AKNA: variants seen among roughly 807,000 people sequenced by gnomAD.
AKNA encodes the protein microtubule organization protein AKNA.
In AKNA, 67 loss-of-function variants were observed where a neutral mutation model predicts 138.8. The observed-to-expected ratio is 0.48, with a 90% CI of 0.40 to 0.59. The LOEUF is 0.59. AKNA is among the 20% of genes least tolerant of loss of function. The probability of loss-of-function intolerance (pLI) is 0.00; values close to 1 mark genes in which losing one functional copy is unlikely to be tolerated. For synonymous variants in AKNA, 737 were observed against 754.4 expected, an observed-to-expected ratio of 0.98 and a Z score of 0.38; for missense variants, 1,813 against 1,880.4, an observed-to-expected ratio of 0.96 and a Z score of 0.66.
At chr9:114,363,099 G>T (rs899819729) in intron 7 of AKNA, among the ~76,000 whole-genome samples, 1 of 152,210 alleles carries the variant, frequency 6.6e-6, no homozygotes, top group East Asian at 1.9e-4. Context: ...AATGAGAGGG[G>T]TGATTTATCA....
Position 114,359,979 on chromosome 9 carries a change from C to A in AKNA, c.2208G>T (p.Val736=), listed in dbSNP as rs775380085. Reference sequence around the variant, plus strand: ...CCAGGGGGTCCTGTGGCCTGTCCTCCACCTCACTGTTGCCAGAGCTCACCT... The same window carrying A: ...CCAGGGGGTCCTGTGGCCTGTCCTCAACCTCACTGTTGCCAGAGCTCACCT... ...NVEVSSGNSE[V]EDRPQDPLAR... The change falls in exon 10 of 22, where the codon GTG becomes GTT. Residue 736 remains valine (V), a synonymous_variant. Coordinates refer to ENST00000374088, the MANE Select transcript of AKNA (RefSeq NM_001317950.2). 6.2e-7 allele frequency: 1 copy of A among 1,614,236 alleles called. No homozygotes were observed. Among genetic ancestry groups the A allele is most frequent in the Non-Finnish European group, 8.5e-7 (1 of 1,180,030 alleles).
chr9:114,355,848 C>T, intron 14 of AKNA, 77 bp downstream of exon 14: 1 of 1,456,214 alleles, frequency 6.9e-7, no homozygotes, highest in Non-Finnish European at 9.3e-7. Context: ...TATGTCATAT[C>T]CTAAAGGGTT....
intron 4 of AKNA, among the ~76,000 whole-genome samples, chr9:114,372,170 G>C (rs1211216868): frequency 2.6e-5 from 4 of 152,312 alleles, no homozygotes; most frequent in East Asian, 1.9e-4. Context: ...TTGAGGCTGA[G>C]AGAGGGGTTG....
chr9:114,380,981 C>CAAAAAA lies in AKNA; in HGVS notation c.274+73_274+78dup, dbSNP rs34055519. On this transcript the variant is annotated intron_variant, in intron 2 of 21. Coordinates refer to ENST00000374088, the MANE Select transcript of AKNA (RefSeq NM_001317950.2). ...CTGGCAATGAAGCAAGACTCTGTCT[C>CAAAAAA]AAAAAAAAAAAAAAAAAAAAGAACG... 1.6e-4 allele frequency: 178 copies of CAAAAAA among 1,110,392 alleles called. No homozygotes were observed. In the African/African-American group the frequency reaches 4.3e-3, roughly 27 times the overall value. 68.8% of individuals were successfully genotyped at this position (1,110,392 alleles called of 1,614,324 possible). A position where few individuals can be genotyped will look rare whatever the true frequency, so the allele number is the denominator to read the frequency against.
intron 21 of AKNA, among the ~76,000 whole-genome samples, chr9:114,340,056 G>T (rs908013572): frequency 3.3e-5 from 5 of 152,182 alleles, no homozygotes; most frequent in Non-Finnish European, 7.3e-5. Flanking sequence ...CCAAGATGGC[G>T]CCACTGCACT....
chr9:114,341,807 T>C (rs1830373377), intron 20 of AKNA, 82 bp from the exon 21 acceptor site: 2 of 1,455,996 alleles, frequency 1.4e-6, no homozygotes, highest in Non-Finnish European at 1.8e-6. Flanking sequence ...CACCCAGCCC[T>C]TCCCCTATGA....
At chr9:114,341,834 ACC>A in intron 20 of AKNA, 109 bp from the exon 21 acceptor site, 5 of 1,342,994 alleles carry the variant, frequency 3.7e-6, no homozygotes, top group Non-Finnish European at 5.2e-6. Context: ...GACAGGCCCT[ACC>A]CTGTGAGACT....
At chr9:114,389,213 G>A (rs1051659707), upstream of AKNA, among the ~76,000 whole-genome samples, 7 of 152,066 alleles carry the variant, frequency 4.6e-5, no homozygotes, top group African/African-American at 1.2e-4. Context: ...CTGTGTACCC[G>A]GGGCAGAGCG....
chr9:114,347,963 C>G, intron 15 of AKNA, 63 bp from the exon 16 acceptor site: 1 of 1,513,994 alleles, frequency 6.6e-7, no homozygotes, highest in Non-Finnish European at 8.9e-7. Flanking sequence ...TGCAGCCACC[C>G]GAGTATGCCA....
In AKNA at chr9:114,341,504, G is replaced by T. The variant is rs1203391665; in HGVS notation, c.4067+29C>A. On this transcript the variant is annotated intron_variant, in intron 21 of 21. Coordinates refer to ENST00000374088, the MANE Select transcript of AKNA (RefSeq NM_001317950.2). Reference sequence around the variant, plus strand: ...CATATTCAGTGATCTATAGAAAGAGGCTGGGAAGGTCAGAATGAAGGCTCT... The same window carrying T: ...CATATTCAGTGATCTATAGAAAGAGTCTGGGAAGGTCAGAATGAAGGCTCT... 12 of 1,613,342 alleles carry T rather than the reference G, an allele frequency of 7.4e-6. No homozygotes were observed. The African/African-American group carries it at 1.3e-4, about 18-fold the overall frequency.
chr9:114,394,432 G>C (rs1002029559), upstream of AKNA: 1 of 152,148 alleles, frequency 6.6e-6, no homozygotes, highest in Non-Finnish European at 1.5e-5. Context: ...GAAATGTATC[G>C]TTGGGTTCTT....
chr9:114,359,871 C>T (rs772006688), intron 10 of AKNA, 25 bp downstream of exon 10: 1 of 1,614,142 alleles, frequency 6.2e-7, no homozygotes, highest in Non-Finnish European at 8.5e-7. Context: ...GCCAGACACC[C>T]TGGTCAGGTC....
At chr9:114,352,813 C>T (rs1213968996) in intron 14 of AKNA, among the ~76,000 whole-genome samples, 1 of 151,726 alleles carries the variant, frequency 6.6e-6, no homozygotes, top group Non-Finnish European at 1.5e-5. Context: ...CCCAGCTTCT[C>T]AGGAGGCTGA....
intron 14 of AKNA, among the ~76,000 whole-genome samples, chr9:114,351,791 A>C (rs1424299028): frequency 6.6e-6 from 1 of 152,150 alleles, no homozygotes; most frequent in Non-Finnish European, 1.5e-5. Flanking sequence ...TAATGGCGAC[A>C]CTGCACTGCA....
chr9:114,337,012 T>TCCCCCCCCCCCCCCCCCCC lies in AKNA; in HGVS notation c.*41_*42insGGGGGGGGGGGGGGGGGGG. 8.3e-7 allele frequency: 1 copy of TCCCCCCCCCCCCCCCCCCC among 1,208,224 alleles called. No individual in the cohort carries two copies. The highest frequency in any genetic ancestry group is 2.1e-5 in the South Asian group (1 of 47,706). The allele number at this position is 1,208,224 out of a possible 1,614,324, so 74.8% of individuals were successfully genotyped here. A position where few individuals can be genotyped will look rare whatever the true frequency, so the allele number is the denominator to read the frequency against. The stretch of plus-strand genomic sequence containing the variant: ...CCCACTCCTGGCCTGGCAGGCCACC[T>TCCCCCCCCCCCCCCCCCCC]GCCCACCCACCCACCCATCTGCCTC... On this transcript the variant is annotated 3_prime_UTR_variant, in exon 22 of 22. Coordinates refer to ENST00000374088, the MANE Select transcript of AKNA (RefSeq NM_001317950.2).
At position 114,341,603 on chromosome 9, in the gene AKNA, G is replaced by C; in HGVS notation, c.3997C>G (p.Pro1333Ala). 1.2e-6 allele frequency: 2 copies of C among 1,614,004 alleles called. No individual in the cohort carries two copies. The highest frequency in any genetic ancestry group is 2.2e-5 in the South Asian group (2 of 91,082). ...GCAAAGGCTGGAGGGGCTGGTGCTG[G>C]GGGCGCTGTTGCCAGATACCACAGT... The part of the protein sequence containing the change: ...PGLWYLATAP[P>A]APAPPAFAYI... Residue 1333 changes from proline to alanine, a missense_variant, in exon 21 of 22, where the codon CCA becomes GCA. Physicochemically the swap from Pro to Ala is conservative, Grantham distance 27. Coordinates refer to ENST00000374088, the MANE Select transcript of AKNA (RefSeq NM_001317950.2).
intron 3 of AKNA, chr9:114,376,226 C>T (rs1458432568): frequency 2.6e-6 from 1 of 378,856 alleles, no homozygotes; most frequent in Non-Finnish European, 5.0e-6. Flanking sequence ...CAGGGCTCCC[C>T]ACCCCAGGCC....
rs1833242388 is a variant in AKNA, at chr9:114,376,743, T to C, written c.1064A>G (p.Asn355Ser). 2 of 1,612,564 alleles carry C rather than the reference T, an allele frequency of 1.2e-6. No homozygotes were observed. Among genetic ancestry groups the C allele is most frequent in the Non-Finnish European group, 1.7e-6 (2 of 1,179,242 alleles). Residue 355 changes from asparagine (N) to serine (S), a missense_variant, in exon 3 of 22, where the codon AAC (asparagine) becomes AGC (serine). Physicochemically the swap from Asn to Ser is conservative, Grantham distance 46. Coordinates refer to ENST00000374088, the MANE Select transcript of AKNA (RefSeq NM_001317950.2). ...NAPKYGRGQLNYPLPDFSKVG... is the reference protein window; with the variant it reads ...NAPKYGRGQLSYPLPDFSKVG... ...CTTGGAGAAATCAGGGAGTGGGTAG[T>C]TCAACTGCCCCCGGCCATACTTGGG...
In AKNA at chr9:114,335,447, C is replaced by G. The variant is rs1232851957; in HGVS notation, c.*1607G>C. On this transcript the variant is annotated 3_prime_UTR_variant, in exon 22 of 22. Coordinates refer to ENST00000374088, the MANE Select transcript of AKNA (RefSeq NM_001317950.2). ...CACCGGAATCAGGGTCTAGCAGGTG[C>G]TCCCTAAATGGCAGGTGCTGTTTGC... is the stretch of plus-strand genomic sequence containing the variant. 6.6e-6 allele frequency: 1 copy of G among 152,272 alleles called. No homozygotes were observed. The highest frequency in any genetic ancestry group is 1.5e-5 in the Non-Finnish European group (1 of 68,094). The allele number at this position is 152,272 out of a possible 1,614,324, so 9.4% of individuals were successfully genotyped here. A position where few individuals can be genotyped will look rare whatever the true frequency, so the allele number is the denominator to read the frequency against.
Sources: allele counts gnomAD v4.1 joint callset (sites outside exome capture counted in the v4.1 genomes callset), GRCh38; gene constraint gnomAD v4.1.1; transcripts MANE v1.5; gene names NCBI Gene and HGNC (gene_info 2026-07-23, HGNC 2026-07-21).